FOXN3: variants seen among roughly 807,000 people sequenced by gnomAD.
FOXN3 encodes forkhead box protein N3.
Under a neutral mutation model 38.4 loss-of-function variants are expected in FOXN3, and 7 were observed. The ratio of observed to expected loss-of-function variants is 0.18; its 90% CI spans 0.10 to 0.34. The LOEUF (loss-of-function observed/expected upper bound fraction) is 0.34, where lower values mean the gene tolerates loss of function less well. Ranked by LOEUF, FOXN3 falls within the 10% of genes least tolerant of loss-of-function variation. The probability of loss-of-function intolerance (pLI) is 1.00; values close to 1 mark genes in which losing one functional copy is unlikely to be tolerated. For missense variants in FOXN3, 456 were observed against 613.4 expected, an observed-to-expected ratio of 0.74 and a Z score of 2.71; for synonymous variants, 230 against 242.2, an observed-to-expected ratio of 0.95 and a Z score of 0.47.
chr14:89,471,345 T>C (rs1893090334), intron 1 of FOXN3, among the ~76,000 whole-genome samples: 2 of 152,174 alleles, frequency 1.3e-5, no homozygotes, highest in Non-Finnish European at 2.9e-5. Flanking sequence ...CTCGTGCCTG[T>C]AGTCCCAGCA....
intron 1 of FOXN3, among the ~76,000 whole-genome samples, chr14:89,607,822 T>C (rs1213475178): frequency 1.3e-5 from 2 of 152,192 alleles, no homozygotes; most frequent in African/African-American, 2.4e-5. Flanking sequence ...GCTATCTTTT[T>C]TTTTTTTCTT....
intron 1 of FOXN3, among the ~76,000 whole-genome samples, chr14:89,450,480 G>C (rs1372833774): frequency 6.6e-6 from 1 of 152,126 alleles, no homozygotes; most frequent in African/African-American, 2.4e-5. Context: ...TAAACACCAT[G>C]ATGGACACCT....
upstream of FOXN3, among the ~76,000 whole-genome samples, chr14:89,421,439 C>A (rs1000857546): frequency 6.6e-6 from 1 of 150,684 alleles, no homozygotes; most frequent in Non-Finnish European, 1.5e-5. Context: ...TGAGCCACTG[C>A]ACCAGGCCAA....
intron 1 of FOXN3, among the ~76,000 whole-genome samples, chr14:89,526,294 G>A (rs1215217800): frequency 6.6e-6 from 1 of 151,940 alleles, no homozygotes; most frequent in Non-Finnish European, 1.5e-5. Context: ...AGAAATAAAA[G>A]GTAATCAGGT....
chr14:89,577,174 C>G (rs921350856), intron 1 of FOXN3: 1 of 152,212 alleles, frequency 6.6e-6, no homozygotes, highest in African/African-American at 2.4e-5. Flanking sequence ...GCCTGGGGTG[C>G]GAGTGAATGC....
At chr14:89,190,855 AGCATTAAATACACCT>A (rs1035217208) in intron 4 of FOXN3, among the ~76,000 whole-genome samples, 138 of 152,346 alleles carry the variant, frequency 9.1e-4, no homozygotes, top group African/African-American at 3.1e-3. Flanking sequence ...GCATCAAGAA[AGCATTAAATACACCT>A]GCATCTAGTG....
chr14:89,357,470 C>T (rs753489269), intron 2 of FOXN3, among the ~76,000 whole-genome samples: 9 of 152,042 alleles, frequency 5.9e-5, no homozygotes, highest in Non-Finnish European at 1.0e-4. Flanking sequence ...TAGCCGGGCA[C>T]GGTGGCATGC....
intron 3 of FOXN3, among the ~76,000 whole-genome samples, chr14:89,311,313 A>G (rs905347632): frequency 6.7e-6 from 1 of 149,620 alleles, no homozygotes; most frequent in Non-Finnish European, 1.5e-5. Flanking sequence ...TCTACTAAAA[A>G]TACAAAAAAT....
At chr14:89,356,031 T>A (rs1304379080) in intron 2 of FOXN3, among the ~76,000 whole-genome samples, 1 of 150,850 alleles carries the variant, frequency 6.6e-6, no homozygotes, top group Non-Finnish European at 1.5e-5. Flanking sequence ...GTGCAGAACA[T>A]TCAGGTATGA....
chr14:89,420,287 C>A (rs774468938), upstream of FOXN3, among the ~76,000 whole-genome samples: 2 of 152,180 alleles, frequency 1.3e-5, no homozygotes. Flanking sequence ...CACATGACTC[C>A]CCTACGCGCA....
intron 2 of FOXN3, among the ~76,000 whole-genome samples, chr14:89,408,351 G>A (rs772120985): frequency 3.8e-4 from 57 of 151,408 alleles, no homozygotes; most frequent in Non-Finnish European, 5.9e-4. Flanking sequence ...TCCACCTCCC[G>A]GGCTCACACC....
At chr14:89,474,147 T>C (rs904253049) in intron 1 of FOXN3, among the ~76,000 whole-genome samples, 3 of 152,238 alleles carry the variant, frequency 2.0e-5, no homozygotes, top group Non-Finnish European at 4.4e-5. Flanking sequence ...TTAGCCATCA[T>C]TACTTTTTTC....
At chr14:89,496,004 G>C (rs893883032) in intron 1 of FOXN3, among the ~76,000 whole-genome samples, 1 of 152,182 alleles carries the variant, frequency 6.6e-6, no homozygotes, top group African/African-American at 2.4e-5. Context: ...CATGAGGTCA[G>C]GAGCTCGAGA....
chr14:89,610,543 A>AT (rs1256288928), intron 1 of FOXN3, among the ~76,000 whole-genome samples: 1 of 152,244 alleles, frequency 6.6e-6, no homozygotes, highest in East Asian at 1.9e-4. Context: ...CCACCCTTCA[A>AT]TCCCCCTTGC....
upstream of FOXN3, chr14:89,419,395 C>T: frequency 2.9e-6 from 1 of 339,004 alleles, no homozygotes; most frequent in South Asian, 2.3e-5. Flanking sequence ...TGTTTGGGAA[C>T]AACCCCATTC....
intron 4 of FOXN3, among the ~76,000 whole-genome samples, chr14:89,219,480 C>A (rs1233138562): frequency 6.6e-6 from 1 of 152,190 alleles, no homozygotes; most frequent in Non-Finnish European, 1.5e-5. Context: ...TGTGTTTGCA[C>A]ATGTGTTCCC....
rs369737888 is a variant in FOXN3 at position 89,407,813 on chromosome 14, A to G, written c.543+4121T>C. 3.9e-5 allele frequency among the ~76,000 whole-genome samples: 6 copies of G among 152,342 alleles called. No homozygotes were observed. In the East Asian group the frequency reaches 1.2e-3, roughly 29 times the overall value. On this transcript the variant is annotated intron_variant, in intron 2 of 5. Coordinates refer to ENST00000557258, the MANE Select transcript of FOXN3 (RefSeq NM_005197.4). ...GCCACTGCGCTCCAGCCTGGTCAACAGAGTGAAACCCTGTCTCAAAACAAA... is the reference window on the plus strand; with the variant it reads ...GCCACTGCGCTCCAGCCTGGTCAACGGAGTGAAACCCTGTCTCAAAACAAA...
chr14:89,579,879 C>T lies in FOXN3; in HGVS notation c.-15+39149G>A, dbSNP rs578073082. On this transcript the variant is annotated intron_variant, in intron 1 of 6. Coordinates refer to the FOXN3 transcript ENST00000345097. ...CTTCAATTGAATCATAGAAGGAACC[C>T]CGACTCTCTCACTGCTACAGAGTAC... Among the ~76,000 whole-genome samples, 357 of 152,174 alleles carry T rather than the reference C, an allele frequency of 2.3e-3. 3 individuals carry two copies. Among genetic ancestry groups the T allele is most frequent in the African/African-American group, 8.2e-3 (341 of 41,498 alleles).
At chr14:89,515,854 G>A (rs978414211) in intron 1 of FOXN3, among the ~76,000 whole-genome samples, 8 of 152,238 alleles carry the variant, frequency 5.3e-5, no homozygotes, top group African/African-American at 1.9e-4. Flanking sequence ...GTGCTGAGCT[G>A]CAGCATGAAC....
Sources: allele counts gnomAD v4.1 joint callset (sites outside exome capture counted in the v4.1 genomes callset), GRCh38; gene constraint gnomAD v4.1.1; transcripts MANE v1.5; gene names NCBI Gene and HGNC (gene_info 2026-07-23, HGNC 2026-07-21).